ZDHHC7: variants seen among roughly 807,000 people sequenced by gnomAD.
The protein encoded by ZDHHC7 is palmitoyltransferase ZDHHC7.
A neutral mutation model predicts 34.1 loss-of-function variants in ZDHHC7; 12 were observed. That is an observed-to-expected ratio of 0.35 (90% confidence interval 0.23 to 0.57). The LOEUF (loss-of-function observed/expected upper bound fraction) is 0.57. ZDHHC7 is among the 20% of genes least tolerant of loss of function. ZDHHC7 has a pLI of 0.84. For missense variants in ZDHHC7, 388 were observed against 402.7 expected, an observed-to-expected ratio of 0.96 and a Z score of 0.31; for synonymous variants, 185 against 155.4, an observed-to-expected ratio of 1.19 and a Z score of -1.42.
At chr16:85,006,080 C>G (rs911696749) in intron 1 of ZDHHC7, among the ~76,000 whole-genome samples, 2 of 152,186 alleles carry the variant, frequency 1.3e-5, no homozygotes, top group African/African-American at 4.8e-5. Context: ...AATCACAGCA[C>G]AGGCCAGAGG....
chr16:85,021,443 T>C, the ZDHHC7 span, among the ~76,000 whole-genome samples: 2 of 138,522 alleles, frequency 1.4e-5, no homozygotes, highest in African/African-American at 5.5e-5. Flanking sequence ...GCGTGGTGGC[T>C]CACACCTATA....
chr16:85,027,195 TTCCATACCAAGTA>T, the ZDHHC7 span, among the ~76,000 whole-genome samples: 43 of 152,380 alleles, frequency 2.8e-4, no homozygotes, highest in African/African-American at 9.1e-4. Flanking sequence ...CTGATTGCTC[TTCCATACCAAGTA>T]TCCAAGCCGG....
chr16:85,010,988 G>A (rs1275328255), intron 1 of ZDHHC7, among the ~76,000 whole-genome samples: 1 of 152,250 alleles, frequency 6.6e-6, no homozygotes, highest in Non-Finnish European at 1.5e-5. Flanking sequence ...CCCGTCATTA[G>A]CCACACAGAA....
intron 3 of ZDHHC7, among the ~76,000 whole-genome samples, chr16:84,982,502 C>G (rs935827212): frequency 1.3e-5 from 2 of 152,170 alleles, no homozygotes; most frequent in Non-Finnish European, 2.9e-5. Flanking sequence ...GGCAGGGAAC[C>G]TCTTTGCACA....
the ZDHHC7 span, among the ~76,000 whole-genome samples, chr16:85,027,111 C>G: frequency 6.6e-6 from 1 of 152,130 alleles, no homozygotes; most frequent in Admixed American, 6.6e-5. Context: ...GCCGACTGGC[C>G]TAGAATTTAT....
At position 84,979,208 on chromosome 16, in the gene ZDHHC7, C is replaced by CT; in HGVS notation, c.517dup (p.Arg173LysfsTer35). 1 of 1,597,974 alleles carries CT rather than the reference C, an allele frequency of 6.3e-7. No individual in the cohort carries two copies. The highest frequency in any genetic ancestry group is 8.5e-7 in the Non-Finnish European group (1 of 1,175,896). On this transcript the variant is annotated frameshift_variant, in exon 5 of 8. Coordinates refer to ENST00000313732, the MANE Select transcript of ZDHHC7 (RefSeq NM_017740.3). LOFTEE classifies it high-confidence loss of function. ...ACTTACAGTGAAGAGCACAAAAAAT[C>CT]TTTGATTCTTTTCTCCTACACAATT...
Position 84,982,117 on chromosome 16 carries a change from G to A in ZDHHC7, c.316-123C>T, listed in dbSNP as rs868310260. On this transcript the variant is annotated intron_variant, in intron 3 of 7. Coordinates refer to ENST00000313732, the MANE Select transcript of ZDHHC7 (RefSeq NM_017740.3). The stretch of plus-strand genomic sequence containing the variant: ...GAGGCTGAGGCGGGTGGATCACGGG[G>A]TCAGGAGTTCAAGACCAGCCTGGCC... 1.6e-5 allele frequency: 21 copies of A among 1,322,778 alleles called. No individual in the cohort carries two copies. In the African/African-American group the frequency reaches 1.6e-4, roughly 10 times the overall value. 81.9% of individuals were successfully genotyped at this position (1,322,778 alleles called of 1,614,324 possible). A position where few individuals can be genotyped will look rare whatever the true frequency, so the allele number is the denominator to read the frequency against.
At chr16:84,990,756 G>A (rs956068306) in intron 2 of ZDHHC7, 121 bp from the exon 3 acceptor site, 29 of 762,330 alleles carry the variant, frequency 3.8e-5, no homozygotes, top group Non-Finnish European at 5.2e-5. Flanking sequence ...CACATAGTGG[G>A]AAAGAACATA....
At position 84,990,345 on chromosome 16, in the gene ZDHHC7, G is replaced by C; in HGVS notation, c.274C>G (p.Leu92Val). ...NGVIFNCLAV[L>V]ALSSHLRTML... ...GTTCTCAGGTGGGATGACAGGGCAA[G>C]CACGGCCAAGCAGTTAAAGATGACC... The change falls in exon 3 of 8, where the codon CTT (leucine) becomes GTT (valine). Residue 92 changes from leucine (L) to valine (V), a missense_variant. Physicochemically the swap from Leu to Val is conservative, Grantham distance 32. Transcript: ENST00000313732. 6.2e-7 allele frequency: 1 copy of C among 1,614,142 alleles called. No individual in the cohort carries two copies. The highest frequency in any genetic ancestry group is 8.5e-7 in the Non-Finnish European group (1 of 1,180,020).
At chr16:85,027,250 A>T in the ZDHHC7 span, among the ~76,000 whole-genome samples, 1 of 152,100 alleles carries the variant, frequency 6.6e-6, no homozygotes, top group African/African-American at 2.4e-5. Context: ...CTTTTGAAAA[A>T]TTTTTATACC....
chr16:85,002,996 G>C (rs1446934241), intron 1 of ZDHHC7, among the ~76,000 whole-genome samples: 2 of 152,138 alleles, frequency 1.3e-5, no homozygotes, highest in African/African-American at 2.4e-5. Flanking sequence ...TAGAGGATGG[G>C]AATGGCTGGT....
Position 84,986,927 on chromosome 16 carries a change from C to A in ZDHHC7, c.315+3377G>T, listed in dbSNP as rs987275801. On this transcript the variant is annotated intron_variant, in intron 3 of 7. Coordinates refer to ENST00000313732, the MANE Select transcript of ZDHHC7 (RefSeq NM_017740.3). ...GTGGAGAGAAGAAATCAACTCCCCA[C>A]TGGGAGAACAGAGGTGACACCTGAC... 2.6e-5 allele frequency among the ~76,000 whole-genome samples: 4 copies of A among 152,336 alleles called. No homozygotes were observed. The East Asian group carries it at 7.7e-4, about 29-fold the overall frequency.
the ZDHHC7 span, among the ~76,000 whole-genome samples, chr16:85,026,966 C>G: frequency 1.3e-5 from 2 of 152,170 alleles, no homozygotes; most frequent in African/African-American, 4.8e-5. Context: ...GTTTATGTTT[C>G]TATACTTCCT....
intron 3 of ZDHHC7, among the ~76,000 whole-genome samples, chr16:84,982,483 C>A (rs1321998255): frequency 6.6e-6 from 1 of 152,096 alleles, no homozygotes; most frequent in Non-Finnish European, 1.5e-5. Flanking sequence ...ACTGACTGTC[C>A]CCAGGTGGGG....
intron 3 of ZDHHC7, among the ~76,000 whole-genome samples, chr16:84,985,794 A>C (rs1036053029): frequency 6.6e-5 from 10 of 151,916 alleles, no homozygotes; most frequent in Non-Finnish European, 1.5e-4. Flanking sequence ...ATCTCTACTA[A>C]AAATACAAAA....
At chr16:85,020,955 A>T in the ZDHHC7 span, among the ~76,000 whole-genome samples, 1 of 152,010 alleles carries the variant, frequency 6.6e-6, no homozygotes, top group Non-Finnish European at 1.5e-5. Context: ...AAATACAAAA[A>T]TTAGCCAGTT....
chr16:85,016,378 G>A (rs528062408), upstream of ZDHHC7, among the ~76,000 whole-genome samples: 15 of 151,950 alleles, frequency 9.9e-5, no homozygotes, highest in African/African-American at 3.6e-4. Flanking sequence ...TGCATTGCCT[G>A]TGCTTTTAGT....
chr16:84,976,243 C>T lies in ZDHHC7; in HGVS notation c.*100G>A, dbSNP rs999379601. 61 of 1,454,404 alleles carry T rather than the reference C, an allele frequency of 4.2e-5. No homozygotes were observed. Among genetic ancestry groups the T allele is most frequent in the Non-Finnish European group, 5.4e-5 (57 of 1,064,110 alleles). 90.1% of individuals were successfully genotyped at this position (1,454,404 alleles called of 1,614,324 possible). ...TGCAAGCAATTGGTTTGTGTAGGTT[C>T]CAGTTGCCCTGTTGGTCACAGATGA... On this transcript the variant is annotated 3_prime_UTR_variant, in exon 8 of 8. Coordinates refer to ENST00000313732, the MANE Select transcript of ZDHHC7 (RefSeq NM_017740.3).
At chr16:85,009,236 T>C (rs1366954175) in intron 1 of ZDHHC7, among the ~76,000 whole-genome samples, 3 of 152,070 alleles carry the variant, frequency 2.0e-5, no homozygotes, top group Non-Finnish European at 2.9e-5. Flanking sequence ...GATTGTATTA[T>C]TTATATCAAC....
Sources: gnomAD v4.1 joint callset for allele counts (sites outside exome capture counted in the v4.1 genomes callset) on GRCh38, gnomAD v4.1.1 for gene constraint, MANE v1.5 for transcripts, NCBI Gene and HGNC (gene_info 2026-07-23, HGNC 2026-07-21) for gene names.